The following RGS6 variants were observed in gnomAD, a reference collection of about 807,000 sequenced individuals.
The protein encoded by RGS6 is regulator of G-protein signaling 6.
Under a neutral mutation model 78.5 loss-of-function variants are expected in RGS6, and 30 were observed. The observed-to-expected ratio is 0.38, with a 90% CI of 0.29 to 0.52. The LOEUF is 0.52. RGS6 is among the 20% of genes least tolerant of loss of function. RGS6 has a pLI of 0.85. For missense variants in RGS6, 495 were observed against 609.7 expected (o/e 0.81, Z 1.98); for synonymous variants, 206 against 206.0 (o/e 1.00, Z 0.00).
chr14:72,311,186 C>T (rs1369432545), intron 2 of RGS6, among the ~76,000 whole-genome samples: 18 of 152,212 alleles, frequency 1.2e-4, no homozygotes, highest in Non-Finnish European at 1.2e-4. Context: ...AGGAAAGGCC[C>T]TTTGCTTCAC....
At chr14:72,117,636 G>T (rs953319644) in intron 2 of RGS6, among the ~76,000 whole-genome samples, 7 of 152,180 alleles carry the variant, frequency 4.6e-5, no homozygotes, top group African/African-American at 1.7e-4. Flanking sequence ...AGGAGGGCAT[G>T]GGGTAGGGAA....
At chr14:71,962,523 G>A (rs2093274831) in intron 1 of RGS6, among the ~76,000 whole-genome samples, 1 of 152,150 alleles carries the variant, frequency 6.6e-6, no homozygotes. Flanking sequence ...TAAGGCAAAG[G>A]AGTAGGCAAC....
At position 72,483,099 on chromosome 14, in the gene RGS6, G is replaced by T. The variant is rs79348560; in HGVS notation, c.854+4770G>T. On this transcript the variant is annotated intron_variant, in intron 12 of 17. Coordinates refer to ENST00000553525, the MANE Select transcript of RGS6 (RefSeq NM_001204424.2). Reference sequence around the variant, plus strand: ...CTCTTCTCTGCAAGCGTCCCCAAGGGAGTCCCTTTTTTTATTCATCTAAGC... The same window carrying T: ...CTCTTCTCTGCAAGCGTCCCCAAGGTAGTCCCTTTTTTTATTCATCTAAGC... Among the ~76,000 whole-genome samples the T allele has an allele frequency of 2.6e-3, 394 of 152,298 alleles. 1 individual carries two copies. Among genetic ancestry groups the T allele is most frequent in the African/African-American group, 9.2e-3 (383 of 41,564 alleles).
intron 2 of RGS6, among the ~76,000 whole-genome samples, chr14:72,041,554 T>G (rs2092402236): frequency 6.6e-6 from 1 of 152,226 alleles, no homozygotes; most frequent in Non-Finnish European, 1.5e-5. Flanking sequence ...ACACTGGATG[T>G]GCATTCACTC....
At chr14:72,614,709 G>A in the RGS6 span, among the ~76,000 whole-genome samples, 9 of 146,848 alleles carry the variant, frequency 6.1e-5, no homozygotes, top group African/African-American at 2.3e-4. Flanking sequence ...GTTCAGAACT[G>A]GGCAGAGGTT....
rs112863385 is a variant in RGS6 at position 71,937,679 on chromosome 14, A to G, written c.-21+4738A>G. On this transcript the variant is annotated intron_variant, in intron 1 of 17. Transcript: ENST00000553525. ...AAAGTGAGTGCCTTGGTCAGAGACA[A>G]TGCTGCATGGAATACCACGATGGTG... 9.1e-3 allele frequency among the ~76,000 whole-genome samples: 1,392 copies of G among 152,328 alleles called. 19 individuals are homozygous for G. Among genetic ancestry groups the G allele is most frequent in the African/African-American group, 0.032 (1,328 of 41,568 alleles).
intron 17 of RGS6, chr14:72,547,377 C>CG: frequency 7.2e-7 from 1 of 1,390,198 alleles, no homozygotes; most frequent in African/African-American, 1.5e-5. Flanking sequence ...AGTAAGACCC[C>CG]CCCCCGACCC....
At chr14:71,974,022 G>GC (rs1210509378) in intron 2 of RGS6, among the ~76,000 whole-genome samples, 2 of 152,112 alleles carry the variant, frequency 1.3e-5, no homozygotes. Flanking sequence ...CCTTTGGTGT[G>GC]TTTACGTCTT....
rs771924929 is a variant in RGS6 at position 72,547,276 on chromosome 14, G to A, written c.1422+7182G>A. 2.0e-6 allele frequency: 3 copies of A among 1,535,564 alleles called. No homozygotes were observed. In the South Asian group the frequency reaches 3.6e-5, roughly 18 times the overall value. ...ACAGCACTGCCAATGTCACGGTCAAGGAGAGGAGACCCAACTCTGCCTGTG... is the reference window on the plus strand; with the variant it reads ...ACAGCACTGCCAATGTCACGGTCAAAGAGAGGAGACCCAACTCTGCCTGTG... On this transcript the variant is annotated intron_variant, in intron 17 of 17. Coordinates refer to ENST00000553525, the MANE Select transcript of RGS6 (RefSeq NM_001204424.2).
rs766352167 is a variant in RGS6, at chr14:71,948,738, C to CTTTTTTTTTT, written c.-21+15798_-21+15799insTTTTTTTTTT. On this transcript the variant is annotated intron_variant, in intron 1 of 17. Coordinates refer to ENST00000553525, the MANE Select transcript of RGS6 (RefSeq NM_001204424.2). ...AAGCTGATTTCCTTTCTCTCTCTCTCTCTTTTTTTTTTTTTTTTTTTTTTT... is the reference window on the plus strand; with the variant it reads ...AAGCTGATTTCCTTTCTCTCTCTCTCTTTTTTTTTTTCTTTTTTTTTTTTTTTTTTTTTTT... Among the ~76,000 whole-genome samples, 239 of 75,182 alleles carry CTTTTTTTTTT rather than the reference C, an allele frequency of 3.2e-3. 34 individuals are homozygous for CTTTTTTTTTT. The highest frequency in any genetic ancestry group is 9.1e-3 in the African/African-American group (138 of 15,124). The allele number at this position is 75,182 out of a possible 152,430, so 49.3% of individuals were successfully genotyped here.
intron 2 of RGS6, among the ~76,000 whole-genome samples, chr14:72,237,225 G>A (rs699362): frequency 0.33 from 50,595 of 151,972 alleles, 9,257 homozygotes; most frequent in South Asian, 0.46. Context: ...GTGTGAATAT[G>A]CCACAATTTT....
At chr14:71,991,694 A>G (rs2153186640) in intron 2 of RGS6, among the ~76,000 whole-genome samples, 2 of 152,350 alleles carry the variant, frequency 1.3e-5, no homozygotes, top group South Asian at 4.1e-4. Context: ...ACATATTTTA[A>G]CAGAAATAGA....
intron 2 of RGS6, among the ~76,000 whole-genome samples, chr14:72,338,374 G>C (rs1379635623): frequency 6.6e-6 from 1 of 152,166 alleles, no homozygotes; most frequent in Non-Finnish European, 1.5e-5. Flanking sequence ...TGAGAGCCAA[G>C]CAAAAGAGGA....
chr14:72,542,491 G>A (rs1282446654), intron 17 of RGS6, among the ~76,000 whole-genome samples: 1 of 152,196 alleles, frequency 6.6e-6, no homozygotes, highest in African/African-American at 2.4e-5. Context: ...TATACTGCAA[G>A]CTATAAAACT....
At chr14:72,278,470 T>C (rs902233587) in intron 2 of RGS6, among the ~76,000 whole-genome samples, 2 of 152,178 alleles carry the variant, frequency 1.3e-5, no homozygotes, top group Admixed American at 1.3e-4. Context: ...ACTGGGAATA[T>C]GTATTGCTTA....
chr14:72,512,149 G>A (rs890498916), intron 14 of RGS6, among the ~76,000 whole-genome samples: 10 of 152,056 alleles, frequency 6.6e-5, no homozygotes, highest in East Asian at 1.9e-4. Context: ...AAGATGGAGC[G>A]GTATAGAGGC....
intron 2 of RGS6, among the ~76,000 whole-genome samples, chr14:72,058,155 A>C (rs1040408679): frequency 6.6e-6 from 1 of 151,684 alleles, no homozygotes; most frequent in East Asian, 1.9e-4. Context: ...GTGTGCCTGC[A>C]ATCAGTCCAG....
chr14:72,618,276 T>A, the RGS6 span, among the ~76,000 whole-genome samples: 1 of 152,088 alleles, frequency 6.6e-6, no homozygotes, highest in Non-Finnish European at 1.5e-5. Context: ...AAGGAAGAAA[T>A]TACTTGGAAA....
chr14:72,310,789 G>C (rs2068424518), intron 2 of RGS6, among the ~76,000 whole-genome samples: 1 of 152,154 alleles, frequency 6.6e-6, no homozygotes, highest in Non-Finnish European at 1.5e-5. Flanking sequence ...GACACAGGCT[G>C]CTGCTTTAAG....
Sources: allele counts gnomAD v4.1 joint callset (sites outside exome capture counted in the v4.1 genomes callset), GRCh38; gene constraint gnomAD v4.1.1; transcripts MANE v1.5; gene names NCBI Gene and HGNC (gene_info 2026-07-23, HGNC 2026-07-21).